Variants in ZNF679 observed in about 807,000 individuals in gnomAD.
The protein encoded by ZNF679 is zinc finger protein 679, also known as hypothetical protein MGC42415.
Under a neutral mutation model 13.4 loss-of-function variants are expected in ZNF679, and 10 were observed. That is an observed-to-expected ratio of 0.75 (90% CI 0.46 to 1.27). The LOEUF (loss-of-function observed/expected upper bound fraction) is 1.27, where lower values mean the gene tolerates loss of function less well. Ranked by LOEUF, ZNF679 falls within the 50% of genes most tolerant of loss-of-function variation. The pLI, the probability that ZNF679 is intolerant of heterozygous loss-of-function variation, is 0.00. For missense variants in ZNF679, 525 were observed against 477.8 expected, an observed-to-expected ratio of 1.10 and a Z score of -0.92; for synonymous variants, 179 against 162.5, an observed-to-expected ratio of 1.10 and a Z score of -0.77.
chr7:64,250,093 C>T (rs895439830), intron 2 of ZNF679, among the ~76,000 whole-genome samples: 85 of 151,714 alleles, frequency 5.6e-4, no homozygotes, highest in African/African-American at 2.0e-3. Flanking sequence ...CTGCCCTTCT[C>T]GGCCTACCAA....
intron 4 of ZNF679, among the ~76,000 whole-genome samples, chr7:64,265,019 C>T (rs1788125571): frequency 6.6e-6 from 1 of 151,906 alleles, no homozygotes; most frequent in African/African-American, 2.4e-5. Context: ...CCATTTTTCT[C>T]ACTGAGCATA....
At chr7:64,236,973 G>GAAAGAA (rs1562840358) in intron 1 of ZNF679, among the ~76,000 whole-genome samples, 1 of 53,640 alleles carries the variant, frequency 1.9e-5, no homozygotes, top group Non-Finnish European at 7.1e-5. Context: ...AAGAAAGAAA[G>GAAAGAA]AAAAAGAAAG....
intron 1 of ZNF679, among the ~76,000 whole-genome samples, chr7:64,229,358 T>G (rs1389067443): frequency 6.6e-6 from 1 of 152,154 alleles, no homozygotes; most frequent in Non-Finnish European, 1.5e-5. Flanking sequence ...TGAGACAACG[T>G]CTCTTCTATT....
intron 1 of ZNF679, among the ~76,000 whole-genome samples, chr7:64,232,074 G>A (rs1470449626): frequency 2.6e-5 from 4 of 152,194 alleles, no homozygotes; most frequent in African/African-American, 9.7e-5. Context: ...CTGAAGTTTT[G>A]TCCAAGAGCT....
chr7:64,255,806 A>G (rs1787998224), intron 2 of ZNF679, among the ~76,000 whole-genome samples: 1 of 151,970 alleles, frequency 6.6e-6, no homozygotes. Flanking sequence ...ACAGGGTTTC[A>G]CCATGTTGGC....
intron 1 of ZNF679, among the ~76,000 whole-genome samples, chr7:64,230,598 G>A (rs980470143): frequency 1.3e-5 from 2 of 151,572 alleles, no homozygotes; most frequent in Non-Finnish European, 1.5e-5. Context: ...ATATCACCAA[G>A]GTGTAGCCCA....
At chr7:64,258,787 T>A (rs1788037945) in intron 2 of ZNF679, among the ~76,000 whole-genome samples, 1 of 152,138 alleles carries the variant, frequency 6.6e-6, no homozygotes, top group South Asian at 2.1e-4. Flanking sequence ...CTGCTTGTGC[T>A]GTTTATACCT....
chr7:64,236,455 A>G (rs912912541), intron 1 of ZNF679, among the ~76,000 whole-genome samples: 8 of 145,902 alleles, frequency 5.5e-5, no homozygotes, highest in East Asian at 2.2e-4. Context: ...TGTGGGGGGA[A>G]AAAAAAAAGG....
At chr7:64,261,927 G>A (rs977277871) in intron 4 of ZNF679, among the ~76,000 whole-genome samples, 2 of 149,914 alleles carry the variant, frequency 1.3e-5, no homozygotes, top group African/African-American at 4.9e-5. Context: ...GGCAATTTTG[G>A]CTCAGGGCAA....
intron 1 of ZNF679, among the ~76,000 whole-genome samples, chr7:64,240,845 A>G (rs1016374772): frequency 2.6e-5 from 4 of 152,218 alleles, no homozygotes; most frequent in African/African-American, 7.2e-5. Context: ...ATGCAAGTCA[A>G]TCACAACAGT....
chr7:64,236,911 AAAGAAAGAAAG>A (rs1412427973), intron 1 of ZNF679, among the ~76,000 whole-genome samples: 17 of 121,626 alleles, frequency 1.4e-4, no homozygotes, highest in Non-Finnish European at 1.2e-4. Context: ...AGAAAAAAAG[AAAGAAAGAAAG>A]AAGAAAGAAA....
chr7:64,236,724 G>A (rs570926163), intron 1 of ZNF679, among the ~76,000 whole-genome samples: 9 of 151,418 alleles, frequency 5.9e-5, no homozygotes, highest in Non-Finnish European at 8.8e-5. Flanking sequence ...AGAGGTTGCC[G>A]TGAGCCAAGA....
chr7:64,244,332 C>T (rs1474787536), intron 1 of ZNF679, among the ~76,000 whole-genome samples: 2 of 152,200 alleles, frequency 1.3e-5, no homozygotes, highest in Non-Finnish European at 2.9e-5. Flanking sequence ...TCTCTAATTA[C>T]TTGACTTTAG....
Position 64,266,311 on chromosome 7 carries a change from C to G in ZNF679, c.678C>G (p.Thr226=), listed in dbSNP as rs1788147940. 3.1e-6 allele frequency: 5 copies of G among 1,610,960 alleles called. No homozygotes were observed. Among genetic ancestry groups the G allele is most frequent in the African/African-American group, 2.7e-5 (2 of 74,794 alleles). The part of the protein sequence containing the change: ...ECGKPFNCSS[T]LSKHKRIHTG... ...GCAAACCCTTCAACTGCTCTTCAACCCTTTCTAAACATAAAAGAATTCATA... is the reference window on the plus strand; with the variant it reads ...GCAAACCCTTCAACTGCTCTTCAACGCTTTCTAAACATAAAAGAATTCATA... The change falls in exon 5 of 5, where the codon ACC becomes ACG. Residue 226 remains threonine (T), a synonymous_variant. Coordinates refer to ENST00000421025, the MANE Select transcript of ZNF679 (RefSeq NM_153363.3).
At chr7:64,249,631 G>A (rs1198138759) in intron 2 of ZNF679, among the ~76,000 whole-genome samples, 1 of 152,174 alleles carries the variant, frequency 6.6e-6, no homozygotes, top group African/African-American at 2.4e-5. Context: ...GCTATGGTTT[G>A]TGGGTTGTGG....
intron 2 of ZNF679, among the ~76,000 whole-genome samples, chr7:64,257,282 A>G (rs1788016619): frequency 1.3e-5 from 2 of 152,046 alleles, no homozygotes. Flanking sequence ...GGTATGTTGT[A>G]TTTCAGCTCT....
intron 1 of ZNF679, among the ~76,000 whole-genome samples, chr7:64,236,975 A>AAGAAAGAGAAAG (rs201487010): frequency 6.1e-3 from 99 of 16,258 alleles, no homozygotes; most frequent in African/African-American, 0.015. Context: ...GAAAGAAAGA[A>AAGAAAGAGAAAG]AAAGAAAGAA....
chr7:64,255,620 T>TA (rs1787995636), intron 2 of ZNF679, among the ~76,000 whole-genome samples: 1 of 151,730 alleles, frequency 6.6e-6, no homozygotes, highest in Admixed American at 6.6e-5. Context: ...TTTTTTATTT[T>TA]TTTTTTGAGA....
intron 1 of ZNF679, among the ~76,000 whole-genome samples, chr7:64,230,626 C>T (rs1787625766): frequency 6.6e-6 from 1 of 151,910 alleles, no homozygotes; most frequent in Non-Finnish European, 1.5e-5. Flanking sequence ...GTCACTGTCT[C>T]GTGTGTTTTA....
Sources: gnomAD v4.1 joint callset for allele counts (sites outside exome capture counted in the v4.1 genomes callset) on GRCh38, gnomAD v4.1.1 for gene constraint, MANE v1.5 for transcripts, NCBI Gene and HGNC (gene_info 2026-07-23, HGNC 2026-07-21) for gene names.